The following DIP2C variants were observed in gnomAD, a reference collection of about 807,000 sequenced individuals.
DIP2C encodes the protein disco-interacting protein 2 homolog C.
DIP2C carries 33 observed loss-of-function variants against 192.4 expected under a neutral mutation model. That is an observed-to-expected ratio of 0.17 (90% CI 0.13 to 0.23). DIP2C has a LOEUF of 0.23. Among genes scored for constraint, DIP2C ranks in the 10% least tolerant of loss-of-function variants. DIP2C has a pLI of 1.00. For synonymous variants in DIP2C, 979 were observed against 864.1 expected, an observed-to-expected ratio of 1.13 and a Z score of -2.33; for missense variants, 1,537 against 2,110.1, an observed-to-expected ratio of 0.73 and a Z score of 5.32.
intron 1 of DIP2C, among the ~76,000 whole-genome samples, chr10:540,392 C>A (rs1847914240): frequency 6.6e-6 from 1 of 152,254 alleles, no homozygotes; most frequent in Non-Finnish European, 1.5e-5. Context: ...TGAGATCACA[C>A]AGAGCTTCCA....
chr10:505,376 T>TC (rs1420993802), intron 1 of DIP2C, among the ~76,000 whole-genome samples: 1 of 152,192 alleles, frequency 6.6e-6, no homozygotes, highest in Non-Finnish European at 1.5e-5. Flanking sequence ...CAGGGGCATC[T>TC]CCACCTTCTA....
chr10:667,148 G>A (rs1025999570), intron 1 of DIP2C: 5 of 152,332 alleles, frequency 3.3e-5, no homozygotes, highest in African/African-American at 1.2e-4. Context: ...GAGGTCAGGA[G>A]TTCAAGACCA....
intron 35 of DIP2C, among the ~76,000 whole-genome samples, chr10:281,670 T>G (rs963340386): frequency 1.3e-5 from 2 of 152,214 alleles, no homozygotes; most frequent in African/African-American, 4.8e-5. Context: ...CGGTCTGAGT[T>G]CCGTGGACCC....
In DIP2C at chr10:318,675, C is replaced by T. The variant is rs150342399; in HGVS notation, c.3924+8331G>A. 5.7e-3 allele frequency among the ~76,000 whole-genome samples: 870 copies of T among 152,300 alleles called. 11 individuals are homozygous for T. Among genetic ancestry groups the T allele is most frequent in the African/African-American group, 0.019 (775 of 41,570 alleles). ...TACCTGGAATATGGTTTCCATGATCCCCAGCGTGGCTGGGATGCCGTGTGT... is the reference window on the plus strand; with the variant it reads ...TACCTGGAATATGGTTTCCATGATCTCCAGCGTGGCTGGGATGCCGTGTGT... On this transcript the variant is annotated intron_variant, in intron 31 of 36. Transcript: ENST00000280886.
chr10:365,810 G>A (rs1294191011), intron 19 of DIP2C, among the ~76,000 whole-genome samples: 2 of 152,126 alleles, frequency 1.3e-5, no homozygotes, highest in African/African-American at 4.8e-5. Context: ...ACGTGTGCTC[G>A]AGTTCTCACA....
chr10:521,087 G>A (rs1846677935), intron 1 of DIP2C, among the ~76,000 whole-genome samples: 1 of 152,202 alleles, frequency 6.6e-6, no homozygotes, highest in South Asian at 2.1e-4. Context: ...TTCCACAAAT[G>A]TAATGTATAC....
rs1209138582 is a variant in DIP2C, at chr10:588,181, G to T, written c.85+101313C>A. 8.4e-4 allele frequency among the ~76,000 whole-genome samples: 67 copies of T among 79,470 alleles called. 2 individuals are homozygous for T. The highest frequency in any genetic ancestry group is 3.2e-3 in the African/African-American group (57 of 17,798). 52.1% of individuals were successfully genotyped at this position (79,470 alleles called of 152,430 possible). On this transcript the variant is annotated intron_variant, in intron 1 of 36. Coordinates refer to ENST00000280886, the MANE Select transcript of DIP2C (RefSeq NM_014974.3). ...GGCACTGCCTCAGCCCTGACCCTGC[G>T]GAAACCCCACATCCACACCAGCCAC...
At chr10:410,025 ACT>A (rs1965082310) in intron 8 of DIP2C, among the ~76,000 whole-genome samples, 1 of 152,206 alleles carries the variant, frequency 6.6e-6, no homozygotes, top group African/African-American at 2.4e-5. Context: ...CAGTACCATC[ACT>A]GTTTTAATCT....
In DIP2C at chr10:336,895, GGT is replaced by G. The variant is rs112539860; in HGVS notation, c.3584+4302_3584+4303del. The stretch of plus-strand genomic sequence containing the variant: ...TGCGCGTGTTGTGGAGGCCTAGGCA[GGT>G]GTGTGTGTGTGTGTGTGTGTGTGTT... On this transcript the variant is annotated intron_variant, in intron 29 of 36. Coordinates refer to ENST00000280886, the MANE Select transcript of DIP2C (RefSeq NM_014974.3). Among the ~76,000 whole-genome samples the G allele has an allele frequency of 8.3e-3, 763 of 91,734 alleles. 37 individuals carry two copies. Among genetic ancestry groups the G allele is most frequent in the Middle Eastern group, 0.044 (7 of 158 alleles). The allele number at this position is 91,734 out of a possible 152,430, so 60.2% of individuals were successfully genotyped here. A position where few individuals can be genotyped will look rare whatever the true frequency, so the allele number is the denominator to read the frequency against.
chr10:580,664 C>A (rs1182636595), intron 1 of DIP2C, among the ~76,000 whole-genome samples: 1 of 152,138 alleles, frequency 6.6e-6, no homozygotes. Flanking sequence ...TTGTATAGTA[C>A]ACATATACCG....
chr10:582,406 C>T (rs992105753), intron 1 of DIP2C, among the ~76,000 whole-genome samples: 10 of 152,188 alleles, frequency 6.6e-5, no homozygotes, highest in African/African-American at 2.4e-4. Context: ...CATAACAAGA[C>T]CCCATCCCTG....
At chr10:344,084 G>T (rs1160067983) in intron 28 of DIP2C, among the ~76,000 whole-genome samples, 1 of 152,190 alleles carries the variant, frequency 6.6e-6, no homozygotes, top group Non-Finnish European at 1.5e-5. Flanking sequence ...CAGACGCTGA[G>T]ACTATAAGCG....
intron 9 of DIP2C, among the ~76,000 whole-genome samples, chr10:401,918 G>A: frequency 6.6e-6 from 1 of 150,582 alleles, no homozygotes. Context: ...TACACGTGTG[G>A]TAGCATTAGC....
rs866015970 is a variant in DIP2C, at chr10:417,748, G to C, written c.739+1317C>G. ...TGTCTGCCTGCGCCTGTCAGGGCTC[G>C]GATAGGCATCCCTGTCCACCTGCAC... On this transcript the variant is annotated intron_variant, in intron 6 of 36. Transcript: ENST00000280886. Among the ~76,000 whole-genome samples the C allele has an allele frequency of 3.8e-3, 432 of 114,556 alleles. 50 individuals carry two copies. Among genetic ancestry groups the C allele is most frequent in the African/African-American group, 5.0e-3 (139 of 27,998 alleles). The allele number at this position is 114,556 out of a possible 152,430, so 75.2% of individuals were successfully genotyped here. A position where few individuals can be genotyped will look rare whatever the true frequency, so the allele number is the denominator to read the frequency against.
At chr10:293,829 G>T (rs1057471617) in intron 32 of DIP2C, among the ~76,000 whole-genome samples, 1 of 152,106 alleles carries the variant, frequency 6.6e-6, no homozygotes, top group Non-Finnish European at 1.5e-5. Flanking sequence ...GTCCTCCCAG[G>T]ACTCAAGCCC....
intron 1 of DIP2C, among the ~76,000 whole-genome samples, chr10:657,705 G>T (rs1856460119): frequency 7.2e-6 from 1 of 139,856 alleles, no homozygotes; most frequent in South Asian, 2.6e-4. Flanking sequence ...CACTGGACCT[G>T]CCCCTGGACC....
Position 679,970 on chromosome 10 carries a change from G to A in DIP2C, c.85+9524C>T, listed in dbSNP as rs554682257. Reference sequence around the variant, plus strand: ...TACCAAGCAGGGCTGTGAGATGAGCGCATCTGATCCACATTAATCCTGACA... The same window carrying A: ...TACCAAGCAGGGCTGTGAGATGAGCACATCTGATCCACATTAATCCTGACA... On this transcript the variant is annotated intron_variant, in intron 1 of 36. Coordinates refer to ENST00000280886, the MANE Select transcript of DIP2C (RefSeq NM_014974.3). Among the ~76,000 whole-genome samples, 6 of 152,306 alleles carry A rather than the reference G, an allele frequency of 3.9e-5. No homozygotes were observed. The East Asian group carries it at 7.7e-4, about 20-fold the overall frequency.
In DIP2C at chr10:366,336, C is replaced by T; in HGVS notation, c.2207G>A (p.Cys736Tyr). The stretch of plus-strand genomic sequence containing the variant: ...GTAGGACGTGCCCGTCGCAACTGCA[C>T]ACACACACAGCTCCCCGATCTCATC... The part of the protein sequence containing the change: ...RTDEIGELCV[C>Y]AVATGTSYYG... Residue 736 changes from cysteine (C) to tyrosine (Y), a missense_variant, in exon 19 of 37, where the codon TGT becomes TAT. By Grantham distance (194) the Cys-to-Tyr change is radical. Around this residue, in one of 4 missense-constraint regions of DIP2C, gnomAD observed 677 missense variants for 989.9 expected, o/e 0.68. Coordinates refer to ENST00000280886, the MANE Select transcript of DIP2C (RefSeq NM_014974.3). The T allele has an allele frequency of 1.2e-6, 2 of 1,614,182 alleles. No homozygotes were observed. The highest frequency in any genetic ancestry group is 1.7e-6 in the Non-Finnish European group (2 of 1,180,030).
chr10:562,319 C>A (rs56678370), intron 1 of DIP2C, among the ~76,000 whole-genome samples: 5,365 of 152,322 alleles, frequency 0.035, 179 homozygotes, highest in African/African-American at 0.082. Flanking sequence ...CTCACTTGAG[C>A]ACTAATGCAA....
Sources: allele counts gnomAD v4.1 joint callset (sites outside exome capture counted in the v4.1 genomes callset), GRCh38; gene constraint gnomAD v4.1.1; regional missense constraint gnomAD v4.1.1; transcripts MANE v1.5; gene names NCBI Gene and HGNC (gene_info 2026-07-23, HGNC 2026-07-21).